Variants in MGAT4C observed in about 807,000 individuals in gnomAD.
MGAT4C encodes alpha-1,3-mannosyl-glycoprotein 4-beta-N-acetylglucosaminyltransferase C.
In MGAT4C, 19 loss-of-function variants were observed where a neutral mutation model predicts 40.1. The ratio of observed to expected loss-of-function variants is 0.47; its 90% CI spans 0.33 to 0.70. The LOEUF is 0.70. MGAT4C is among the 30% of genes least tolerant of loss of function. MGAT4C has a pLI of 0.02. For missense variants in MGAT4C, 491 were observed against 563.2 expected, an observed-to-expected ratio of 0.87 and a Z score of 1.30; for synonymous variants, 181 against 187.1, an observed-to-expected ratio of 0.97 and a Z score of 0.27.
At chr12:86,708,761 T>G (rs541132536) in intron 2 of MGAT4C, among the ~76,000 whole-genome samples, 170 of 152,264 alleles carry the variant, frequency 1.1e-3, no homozygotes, top group Admixed American at 3.4e-3. Context: ...CCCCACCAGA[T>G]TTTGGACTTT....
At chr12:85,987,585 C>G (rs980571018) in intron 3 of MGAT4C, among the ~76,000 whole-genome samples, 3 of 152,136 alleles carry the variant, frequency 2.0e-5, no homozygotes, top group African/African-American at 7.2e-5. Flanking sequence ...ATCATATTAT[C>G]TACATTTGAT....
intron 1 of MGAT4C, among the ~76,000 whole-genome samples, chr12:86,070,966 T>C (rs577452424): frequency 2.2e-4 from 33 of 152,210 alleles, no homozygotes; most frequent in Admixed American, 1.2e-3. Context: ...ATGTAGAAGA[T>C]TGTTCCTTAT....
chr12:86,383,567 A>AC (rs1164315941), intron 3 of MGAT4C, among the ~76,000 whole-genome samples: 1 of 150,932 alleles, frequency 6.6e-6, no homozygotes, highest in Non-Finnish European at 1.5e-5. Flanking sequence ...AAAAAAAAAA[A>AC]AAAAAAAAAC....
At chr12:86,736,654 C>A (rs2136125454) in intron 1 of MGAT4C, among the ~76,000 whole-genome samples, 1 of 151,786 alleles carries the variant, frequency 6.6e-6, no homozygotes. Flanking sequence ...CTAATTCATT[C>A]ACTTTTTTAC....
chr12:86,375,494 C>T (rs548215313), intron 3 of MGAT4C, among the ~76,000 whole-genome samples: 105 of 151,686 alleles, frequency 6.9e-4, no homozygotes, highest in African/African-American at 2.4e-3. Context: ...TTATAGTTAA[C>T]CTAATCAATC....
intron 1 of MGAT4C, among the ~76,000 whole-genome samples, chr12:86,806,729 C>T (rs1046911587): frequency 6.6e-6 from 1 of 151,908 alleles, no homozygotes; most frequent in African/African-American, 2.4e-5. Flanking sequence ...AGCTGGAAAC[C>T]ATCATTCTCA....
intron 1 of MGAT4C, among the ~76,000 whole-genome samples, chr12:86,823,303 CA>C (rs1420798867): frequency 3.3e-5 from 5 of 150,698 alleles, no homozygotes; most frequent in South Asian, 4.2e-4. Flanking sequence ...AATAGAAACG[CA>C]AAAGGTAGAA....
In MGAT4C at chr12:86,011,791, C is replaced by G. The variant is rs1888487971; in HGVS notation, c.-6-22239G>C. On this transcript the variant is annotated intron_variant, in intron 2 of 4. Transcript: ENST00000611864. ...AACACTATATTGAACATGGCAGACA[C>G]AAACTCACCATCCTTTACCAGCTCC... The G allele has an allele frequency of 9.2e-6, 9 of 977,264 alleles. No individual in the cohort carries two copies. In the South Asian group the frequency reaches 3.8e-4, roughly 41 times the overall value. The allele number at this position is 977,264 out of a possible 1,614,324, so 60.5% of individuals were successfully genotyped here.
At chr12:86,080,920 A>C (rs1380230794) in intron 1 of MGAT4C, among the ~76,000 whole-genome samples, 1 of 152,236 alleles carries the variant, frequency 6.6e-6, no homozygotes, top group Non-Finnish European at 1.5e-5. Context: ...TGTGTTCAGC[A>C]TGAAAATACA....
chr12:86,657,394 T>C (rs147179539), intron 2 of MGAT4C, among the ~76,000 whole-genome samples: 2 of 151,502 alleles, frequency 1.3e-5, no homozygotes, highest in African/African-American at 4.8e-5. Flanking sequence ...AAAGAGGAAG[T>C]AAAGAAGGGA....
intron 2 of MGAT4C, among the ~76,000 whole-genome samples, chr12:86,522,157 G>A (rs1425537032): frequency 6.6e-6 from 1 of 152,098 alleles, no homozygotes; most frequent in Non-Finnish European, 1.5e-5. Context: ...GGAGTGGTGA[G>A]AGAGGATATC....
chr12:86,632,427 A>G (rs1963081487), intron 2 of MGAT4C, among the ~76,000 whole-genome samples: 1 of 152,184 alleles, frequency 6.6e-6, no homozygotes, highest in Non-Finnish European at 1.5e-5. Context: ...AAGTATTATA[A>G]ATCATGCTAC....
chr12:86,567,326 A>G lies in MGAT4C; in HGVS notation c.-228-132061T>C, dbSNP rs569648565. Among the ~76,000 whole-genome samples the G allele has an allele frequency of 1.2e-4, 19 of 152,212 alleles. 2 individuals are homozygous for G. The highest frequency in any genetic ancestry group is 1.2e-3 in the Admixed American group (19 of 15,284). On this transcript the variant is annotated intron_variant, in intron 2 of 7. Coordinates refer to the MGAT4C transcript ENST00000548651. ...GAGGAAGAAATGCTGACACCAGGAG[A>G]CACAACAATGACTTCATTAAACAGG...
chr12:86,564,592 G>A (rs1374263362), intron 2 of MGAT4C, among the ~76,000 whole-genome samples: 2 of 152,152 alleles, frequency 1.3e-5, no homozygotes, highest in East Asian at 1.9e-4. Context: ...ACTAAAATTC[G>A]GGGAACTTCT....
intron 1 of MGAT4C, among the ~76,000 whole-genome samples, chr12:86,062,987 A>G (rs1894143346): frequency 6.6e-6 from 1 of 152,300 alleles, no homozygotes; most frequent in Non-Finnish European, 1.5e-5. Flanking sequence ...CAACCTAGCA[A>G]GATAGGCCAA....
chr12:86,738,728 A>T (rs568290282), intron 1 of MGAT4C, among the ~76,000 whole-genome samples: 1 of 151,414 alleles, frequency 6.6e-6, no homozygotes, highest in East Asian at 1.9e-4. Flanking sequence ...AATATGACAC[A>T]TATGTCTATG....
Position 86,666,173 on chromosome 12 carries a change from C to T in MGAT4C, c.-229+61036G>A, listed in dbSNP as rs116770646. Among the ~76,000 whole-genome samples, 583 of 152,244 alleles carry T rather than the reference C, an allele frequency of 3.8e-3. 3 individuals carry two copies. Among genetic ancestry groups the T allele is most frequent in the African/African-American group, 0.014 (569 of 41,540 alleles). On this transcript the variant is annotated intron_variant, in intron 2 of 7. Coordinates refer to the MGAT4C transcript ENST00000548651. ...TCATACTGTCCTCTATTTTTGCAGA[C>T]AATGTCACAAAGGTACCATTAGATT...
intron 4 of MGAT4C, among the ~76,000 whole-genome samples, chr12:86,277,751 T>C (rs1456426328): frequency 6.6e-6 from 1 of 152,210 alleles, no homozygotes; most frequent in Admixed American, 6.5e-5. Context: ...TCCATTGGTC[T>C]ATGTGTCTTT....
intron 2 of MGAT4C, among the ~76,000 whole-genome samples, chr12:86,675,623 C>T (rs1964373454): frequency 6.6e-6 from 1 of 152,200 alleles, no homozygotes; most frequent in African/African-American, 2.4e-5. Context: ...TTCTAGGATA[C>T]AATTGGTCTG....
Sources: gnomAD v4.1 joint callset for allele counts (sites outside exome capture counted in the v4.1 genomes callset) on GRCh38, gnomAD v4.1.1 for gene constraint, MANE v1.5 for transcripts, NCBI Gene and HGNC (gene_info 2026-07-23, HGNC 2026-07-21) for gene names.